Variants in CSMD1 observed in about 807,000 individuals in gnomAD.
CSMD1 encodes CUB and Sushi multiple domains 1, also known as CUB and sushi domain-containing protein 1.
Under a neutral mutation model 417.5 loss-of-function variants are expected in CSMD1, and 213 were observed. That is an observed-to-expected ratio of 0.51 (90% CI 0.46 to 0.57). CSMD1 has a LOEUF of 0.57. Ranked by LOEUF, CSMD1 falls within the 20% of genes least tolerant of loss-of-function variation. The pLI is 0.00. For synonymous variants in CSMD1, 2,862 were observed against 1,736.8 expected (o/e 1.65, Z -16.11); for missense variants, 6,923 against 4,529.7 (o/e 1.53, Z -15.17).
chr8:3,396,394 A>G lies in CSMD1; in HGVS notation c.2406-13T>C, dbSNP rs187349163. On this transcript the variant is annotated splice_polypyrimidine_tract_variant and intron_variant, in intron 16 of 69. Coordinates refer to ENST00000635120, the MANE Select transcript of CSMD1 (RefSeq NM_033225.6). ...CTCTGTCTGAAATCTGCAAATATAT[A>G]CATCCCATCAGAAAAGACATGCAGA... 117 of 1,533,922 alleles carry G rather than the reference A, an allele frequency of 7.6e-5. 2 individuals carry two copies. The highest frequency in any genetic ancestry group is 3.9e-4 in the East Asian group (17 of 43,270).
Position 3,497,929 on chromosome 8 carries a change from C to A in CSMD1, c.1345-4203G>T, listed in dbSNP as rs565533301. ...TGTGTGTCTTCACAATGGTGGTTATCACCCTTTCACTTTCAGATGAAGGGC... is the reference window on the plus strand; with the variant it reads ...TGTGTGTCTTCACAATGGTGGTTATAACCCTTTCACTTTCAGATGAAGGGC... On this transcript the variant is annotated intron_variant, in intron 10 of 69. Coordinates refer to ENST00000635120, the MANE Select transcript of CSMD1 (RefSeq NM_033225.6). Among the ~76,000 whole-genome samples, 4 of 152,266 alleles carry A rather than the reference C, an allele frequency of 2.6e-5. No homozygotes were observed. In the East Asian group the frequency reaches 7.7e-4, roughly 29 times the overall value.
rs546525774 is a variant in CSMD1, at chr8:4,145,976, A to T, written c.416-113877T>A. 7.9e-5 allele frequency among the ~76,000 whole-genome samples: 12 copies of T among 150,998 alleles called. 3 individuals are homozygous for T. Among genetic ancestry groups the T allele is most frequent in the African/African-American group, 3.0e-4 (12 of 40,388 alleles). ...TTCTTGTTACCGCTGTCATTTGTAG[A>T]CAGGGTGCAAATTTTGTACCCTGCA... On this transcript the variant is annotated intron_variant, in intron 3 of 69. Transcript: ENST00000635120.
chr8:4,691,168 A>G (rs868018922), intron 1 of CSMD1, among the ~76,000 whole-genome samples: 8 of 152,240 alleles, frequency 5.3e-5, no homozygotes, highest in African/African-American at 1.7e-4. Flanking sequence ...GAAGGAATCA[A>G]AGAATGTTAC....
intron 54 of CSMD1, among the ~76,000 whole-genome samples, chr8:2,979,567 G>A (rs192791872): frequency 1.3e-5 from 2 of 152,326 alleles, no homozygotes; most frequent in Admixed American, 1.3e-4. Context: ...AGAGGCCACA[G>A]TCTCTCCAGA....
chr8:3,439,309 A>ATATATATATTTTTT lies in CSMD1; in HGVS notation c.1561+29402_1561+29403insAAAAAATATATATA. 1.2e-3 allele frequency among the ~76,000 whole-genome samples: 76 copies of ATATATATATTTTTT among 62,384 alleles called. 1 individual carries two copies. Among genetic ancestry groups the ATATATATATTTTTT allele is most frequent in the South Asian group, 3.0e-3 (4 of 1,324 alleles). The allele number at this position is 62,384 out of a possible 152,430, so 40.9% of individuals were successfully genotyped here. A position where few individuals can be genotyped will look rare whatever the true frequency, so the allele number is the denominator to read the frequency against. On this transcript the variant is annotated intron_variant, in intron 12 of 69. Transcript: ENST00000635120. Reference sequence around the variant, plus strand: ...TATATATATATATATATATATATATATTTTTTTTTTTAATATGTATTTTTA... The same window carrying ATATATATATTTTTT: ...TATATATATATATATATATATATATATATATATATTTTTTTTTTTTTTTTTAATATGTATTTTTA...
chr8:4,809,186 A>G lies in CSMD1; in HGVS notation c.86-171628T>C, dbSNP rs554226705. Among the ~76,000 whole-genome samples, 15 of 152,348 alleles carry G rather than the reference A, an allele frequency of 9.8e-5. No homozygotes were observed. In the East Asian group the frequency reaches 2.5e-3, roughly 25 times the overall value. The stretch of plus-strand genomic sequence containing the variant: ...ATTCATGATAAATACACGTCTTGAT[A>G]TCATCTGAATTCACTGATATTATTC... On this transcript the variant is annotated intron_variant, in intron 1 of 69. Coordinates refer to ENST00000635120, the MANE Select transcript of CSMD1 (RefSeq NM_033225.6).
intron 1 of CSMD1, among the ~76,000 whole-genome samples, chr8:4,867,865 C>T (rs751932542): frequency 4.6e-5 from 7 of 152,040 alleles, no homozygotes; most frequent in Non-Finnish European, 8.8e-5. Context: ...TATATCATTA[C>T]AGTATTACAC....
chr8:4,271,802 C>T (rs74500047), intron 3 of CSMD1, among the ~76,000 whole-genome samples: 6,419 of 152,228 alleles, frequency 0.042, 220 homozygotes, highest in African/African-American at 0.089. Context: ...ACTCCTCCAG[C>T]TGCAAGCTTA....
intron 29 of CSMD1, among the ~76,000 whole-genome samples, chr8:3,218,887 A>T (rs1376284794): frequency 6.6e-6 from 1 of 152,198 alleles, no homozygotes; most frequent in Non-Finnish European, 1.5e-5. Context: ...AAAAAGAAAA[A>T]AAAAAGTTAT....
At chr8:3,658,218 G>A (rs1798227745) in intron 7 of CSMD1, among the ~76,000 whole-genome samples, 1 of 151,966 alleles carries the variant, frequency 6.6e-6, no homozygotes, top group Admixed American at 6.6e-5. Context: ...GACTCTCAAT[G>A]TAAAATAAAA....
intron 25 of CSMD1, among the ~76,000 whole-genome samples, chr8:3,299,234 C>G (rs57805023): frequency 6.6e-6 from 1 of 151,988 alleles, no homozygotes; most frequent in African/African-American, 2.4e-5. Context: ...GGTGGATCGC[C>G]TGAGGTCAGG....
intron 1 of CSMD1, among the ~76,000 whole-genome samples, chr8:4,973,339 T>C (rs979784701): frequency 5.3e-5 from 8 of 152,336 alleles, no homozygotes; most frequent in Non-Finnish European, 1.2e-4. Context: ...ATAGAGTTCA[T>C]TGAACAAACA....
intron 3 of CSMD1, among the ~76,000 whole-genome samples, chr8:4,382,668 TA>T (rs1803179133): frequency 6.6e-6 from 1 of 152,208 alleles, no homozygotes; most frequent in Non-Finnish European, 1.5e-5. Flanking sequence ...CATCAGGTCT[TA>T]GCATAAATAA....
chr8:4,732,669 TG>T (rs1461199089), intron 1 of CSMD1, among the ~76,000 whole-genome samples: 6 of 152,172 alleles, frequency 3.9e-5, no homozygotes, highest in African/African-American at 1.4e-4. Flanking sequence ...GCCACACATC[TG>T]CCCCAGCTGT....
At chr8:4,577,019 C>G (rs1177533534) in intron 2 of CSMD1, among the ~76,000 whole-genome samples, 2 of 152,116 alleles carry the variant, frequency 1.3e-5, no homozygotes, top group East Asian at 1.9e-4. Flanking sequence ...GATATTAGAT[C>G]TTGAATTTTT....
At chr8:3,458,270 C>T (rs7008421) in intron 12 of CSMD1, among the ~76,000 whole-genome samples, 10,306 of 152,154 alleles carry the variant, frequency 0.068, 823 homozygotes, top group East Asian at 0.22. Flanking sequence ...TTAATGTTCT[C>T]CGGCACCACC....
chr8:4,587,018 A>C (rs1453373982), intron 2 of CSMD1, among the ~76,000 whole-genome samples: 5 of 152,226 alleles, frequency 3.3e-5, no homozygotes, highest in African/African-American at 1.2e-4. Flanking sequence ...CATTAAAAAT[A>C]AGTTTAGTTA....
chr8:3,997,603 C>T (rs1226672179), intron 5 of CSMD1, among the ~76,000 whole-genome samples: 1 of 152,152 alleles, frequency 6.6e-6, no homozygotes, highest in Non-Finnish European at 1.5e-5. Context: ...AGCTTCAGAC[C>T]AAACCCAAAA....
At chr8:3,922,236 T>C (rs28737461) in intron 5 of CSMD1, among the ~76,000 whole-genome samples, 46,664 of 151,918 alleles carry the variant, frequency 0.31, 8,036 homozygotes, top group South Asian at 0.43. Context: ...AATATCCTTT[T>C]CTATCTCTTT....
Sources: allele counts gnomAD v4.1 joint callset (sites outside exome capture counted in the v4.1 genomes callset), GRCh38; gene constraint gnomAD v4.1.1; transcripts MANE v1.5; gene names NCBI Gene and HGNC (gene_info 2026-07-23, HGNC 2026-07-21).